The following SLC1A1 variants were observed in gnomAD, a reference collection of about 807,000 sequenced individuals.
SLC1A1 encodes excitatory amino acid transporter 3.
In SLC1A1, 43 loss-of-function variants were observed where a neutral mutation model predicts 53.3. The observed-to-expected ratio is 0.81, with a 90% CI of 0.63 to 1.04. The LOEUF (loss-of-function observed/expected upper bound fraction) is 1.04. SLC1A1 is among the 50% of genes least tolerant of loss of function. The pLI is 0.00. For missense variants in SLC1A1, 748 were observed against 664.9 expected (o/e 1.12, Z -1.37); for synonymous variants, 307 against 243.2 (o/e 1.26, Z -2.44).
chr9:4,496,412 G>T (rs553620561), intron 1 of SLC1A1, among the ~76,000 whole-genome samples: 2 of 152,126 alleles, frequency 1.3e-5, no homozygotes, highest in Non-Finnish European at 1.5e-5. Context: ...AAGAGACAGG[G>T]TCTCGTTTTG....
chr9:4,583,274 T>C lies in SLC1A1; in HGVS notation c.1328+102T>C, dbSNP rs572521412. ...ATCATTCTCTCCTCAGATTGCCTAA[T>C]GAGCCACCTGTTGCTGCTTTAATTT... is the stretch of plus-strand genomic sequence containing the variant. On this transcript the variant is annotated intron_variant, in intron 11 of 11. Coordinates refer to ENST00000262352, the MANE Select transcript of SLC1A1 (RefSeq NM_004170.6). This position sits in a 1 kb window ranked among gnomAD's most constrained non-coding sequence, Gnocchi z 4.6. 7.2e-5 allele frequency: 103 copies of C among 1,427,786 alleles called. No homozygotes were observed. In the East Asian group the frequency reaches 2.3e-3, roughly 31 times the overall value. 88.4% of individuals were successfully genotyped at this position (1,427,786 alleles called of 1,614,324 possible).
Position 4,526,257 on chromosome 9 carries a change from T to C in SLC1A1, c.92-18310T>C, listed in dbSNP as rs533012335. On this transcript the variant is annotated intron_variant, in intron 1 of 11. Coordinates refer to ENST00000262352, the MANE Select transcript of SLC1A1 (RefSeq NM_004170.6). Reference sequence around the variant, plus strand: ...AAGAATTTATTAGATAAGAGCAGAATTTAGACATATAGAAAACAAAATAGG... The same window carrying C: ...AAGAATTTATTAGATAAGAGCAGAACTTAGACATATAGAAAACAAAATAGG... Among the ~76,000 whole-genome samples the C allele has an allele frequency of 2.0e-4, 30 of 152,302 alleles. 1 individual carries two copies. Among genetic ancestry groups the C allele is most frequent in the African/African-American group, 7.0e-4 (29 of 41,580 alleles).
intron 1 of SLC1A1, among the ~76,000 whole-genome samples, chr9:4,531,747 C>T (rs906358532): frequency 6.6e-6 from 1 of 152,172 alleles, no homozygotes; most frequent in Admixed American, 6.5e-5. Flanking sequence ...TGAGAACAGG[C>T]AGACAGCCTC....
rs560756211 is a variant in SLC1A1 at position 4,564,553 on chromosome 9, T to G, written c.440+95T>G. ...ATATTCTGCTGTTACTGTATTGAAA[T>G]TTTTAATAACTTTTGAATTATTGTG... On this transcript the variant is annotated intron_variant, in intron 4 of 11. Coordinates refer to ENST00000262352, the MANE Select transcript of SLC1A1 (RefSeq NM_004170.6). 5 of 793,054 alleles carry G rather than the reference T, an allele frequency of 6.3e-6. No individual in the cohort carries two copies. The Admixed American group carries it at 1.0e-4, about 16-fold the overall frequency. 49.1% of individuals were successfully genotyped at this position (793,054 alleles called of 1,614,324 possible).
intron 1 of SLC1A1, among the ~76,000 whole-genome samples, chr9:4,495,836 C>G (rs923178799): frequency 6.6e-6 from 1 of 152,032 alleles, no homozygotes; most frequent in East Asian, 1.9e-4. Flanking sequence ...TGGATTTGGT[C>G]CAAGGGAGAA....
At chr9:4,538,210 T>A (rs1331456033) in intron 1 of SLC1A1, among the ~76,000 whole-genome samples, 2 of 152,088 alleles carry the variant, frequency 1.3e-5, no homozygotes, top group Non-Finnish European at 2.9e-5. Flanking sequence ...GGGCACAGCT[T>A]GGTTTTGTAC....
intron 1 of SLC1A1, among the ~76,000 whole-genome samples, chr9:4,495,771 A>T (rs1820392542): frequency 6.6e-6 from 1 of 152,034 alleles, no homozygotes; most frequent in Non-Finnish European, 1.5e-5. Flanking sequence ...CTGAGCAGCC[A>T]GGAGTGGAAC....
At chr9:4,506,096 G>C (rs1820800280) in intron 1 of SLC1A1, among the ~76,000 whole-genome samples, 1 of 152,136 alleles carries the variant, frequency 6.6e-6, no homozygotes, top group Non-Finnish European at 1.5e-5. Flanking sequence ...AAATTGCTGG[G>C]ATTACAGGCT....
intron 1 of SLC1A1, among the ~76,000 whole-genome samples, chr9:4,538,255 G>A (rs184195823): frequency 2.6e-5 from 4 of 152,186 alleles, no homozygotes; most frequent in Non-Finnish European, 4.4e-5. Flanking sequence ...ATCAGTACAT[G>A]TAAGATTTAC....
chr9:4,504,266 T>A (rs1246065256), intron 1 of SLC1A1, among the ~76,000 whole-genome samples: 1 of 152,198 alleles, frequency 6.6e-6, no homozygotes, highest in Non-Finnish European at 1.5e-5. Flanking sequence ...TCAGCTACGG[T>A]ATTTAGCAAC....
chr9:4,538,763 C>G (rs1001862189), intron 1 of SLC1A1, among the ~76,000 whole-genome samples: 5 of 152,208 alleles, frequency 3.3e-5, no homozygotes, highest in African/African-American at 7.2e-5. Flanking sequence ...TGGAGCTACT[C>G]AGCTCTTTAG....
intron 1 of SLC1A1, among the ~76,000 whole-genome samples, chr9:4,502,195 T>C (rs970480391): frequency 1.3e-5 from 2 of 151,286 alleles, no homozygotes; most frequent in Non-Finnish European, 2.9e-5. Flanking sequence ...AAGACCAGCC[T>C]GGGCAACATG....
chr9:4,503,254 C>T (rs1820695001), intron 1 of SLC1A1, among the ~76,000 whole-genome samples: 1 of 151,812 alleles, frequency 6.6e-6, no homozygotes, highest in Non-Finnish European at 1.5e-5. Context: ...TTGCTCCAGG[C>T]AACCACTGTT....
rs1323492338 is a variant in SLC1A1, at chr9:4,572,281, T to A, written c.660T>A (p.Leu220=). Residue 220 remains leucine, a synonymous_variant, in exon 7 of 12, where the codon CTT becomes CTA. Transcript: ENST00000262352. ...TCCTGGGCTTGATTGTCTTTTGCCT[T>A]GTCTTTGGACTTGTCATTGGAAAAA... ...INVLGLIVFC[L]VFGLVIGKMG... 7 of 1,614,062 alleles carry A rather than the reference T, an allele frequency of 4.3e-6. No individual in the cohort carries two copies. In the African/African-American group the frequency reaches 8.0e-5, roughly 18 times the overall value.
chr9:4,584,105 C>T (rs982595815), intron 11 of SLC1A1, among the ~76,000 whole-genome samples: 3 of 152,234 alleles, frequency 2.0e-5, no homozygotes, highest in Admixed American at 6.5e-5. Flanking sequence ...TGCTCAGAAC[C>T]AGCTCAGGCT....
intron 2 of SLC1A1, among the ~76,000 whole-genome samples, chr9:4,557,404 C>G (rs1047435593): frequency 5.9e-5 from 9 of 152,182 alleles, no homozygotes; most frequent in African/African-American, 2.2e-4. Context: ...GTCGAGCACC[C>G]ACTAAATGCT....
intron 1 of SLC1A1, among the ~76,000 whole-genome samples, chr9:4,539,377 C>A (rs7848533): frequency 0.49 from 73,957 of 151,936 alleles, 18,332 homozygotes; most frequent in Admixed American, 0.55. Context: ...ATAAACTTAG[C>A]AACAAAAAAC....
chr9:4,548,675 T>G (rs1389567865), intron 2 of SLC1A1, among the ~76,000 whole-genome samples: 1 of 152,224 alleles, frequency 6.6e-6, no homozygotes, highest in African/African-American at 2.4e-5. Flanking sequence ...ATCAATAATT[T>G]GTTAATGATT....
intron 1 of SLC1A1, among the ~76,000 whole-genome samples, chr9:4,493,363 G>C (rs1471687118): frequency 6.6e-6 from 1 of 152,178 alleles, no homozygotes; most frequent in Admixed American, 6.5e-5. Flanking sequence ...GGGCTGATTT[G>C]TTTAATTGAC....
Sources: allele counts gnomAD v4.1 joint callset (sites outside exome capture counted in the v4.1 genomes callset), GRCh38; gene constraint gnomAD v4.1.1; non-coding constraint Gnocchi (gnomAD v3.1); transcripts MANE v1.5; gene names NCBI Gene and HGNC (gene_info 2026-07-23, HGNC 2026-07-21).